Variants in FIRRM observed in about 807,000 individuals in gnomAD.
FIRRM encodes the protein FIGNL1-interacting regulator of recombination and mitosis.
chr1:169,818,311 G>A, the FIRRM span, among the ~76,000 whole-genome samples: 13 of 152,304 alleles, frequency 8.5e-5, no homozygotes, highest in African/African-American at 2.6e-4. Context: ...TAGCTAGGGG[G>A]CATGGCTAAC....
the FIRRM span, among the ~76,000 whole-genome samples, chr1:169,846,076 C>G: frequency 6.6e-6 from 1 of 152,208 alleles, no homozygotes; most frequent in Admixed American, 6.5e-5. Context: ...TATTAACAAA[C>G]ATGAAAACAA....
the FIRRM span, chr1:169,803,077 A>G: frequency 1.1e-5 from 12 of 1,116,380 alleles, no homozygotes; most frequent in East Asian, 1.7e-4. Flanking sequence ...TGTTTTGTTC[A>G]TTGCTGTATT....
the FIRRM span, among the ~76,000 whole-genome samples, chr1:169,816,799 C>T: frequency 6.6e-6 from 1 of 152,104 alleles, no homozygotes; most frequent in Non-Finnish European, 1.5e-5. Flanking sequence ...CTTTATAAGT[C>T]AAGTTTGATT....
chr1:169,827,004 T>G, the FIRRM span: 15 of 1,576,670 alleles, frequency 9.5e-6, no homozygotes, highest in Non-Finnish European at 1.2e-5. Flanking sequence ...TACCTAAAAT[T>G]AGAAGATAGC....
At chr1:169,801,937 A>G in the FIRRM span, among the ~76,000 whole-genome samples, 308 of 152,320 alleles carry the variant, frequency 2.0e-3, no homozygotes, top group African/African-American at 5.9e-3. Flanking sequence ...AAAAGATTCA[A>G]CTGTTACATA....
At chr1:169,805,531 T>C in the FIRRM span, among the ~76,000 whole-genome samples, 4 of 152,198 alleles carry the variant, frequency 2.6e-5, no homozygotes, top group African/African-American at 4.8e-5. Context: ...CCAGAGTCAT[T>C]GTAGAAAAGT....
chr1:169,843,881 A>G, the FIRRM span: 1 of 656,220 alleles, frequency 1.5e-6, no homozygotes, highest in Non-Finnish European at 2.7e-6. Flanking sequence ...TTGTTGTGTC[A>G]TATATTGACT....
At chr1:169,829,189 T>C in the FIRRM span, 2 of 1,291,648 alleles carry the variant, frequency 1.5e-6, no homozygotes, top group South Asian at 3.7e-5. Context: ...CCTTCCATGT[T>C]ACATATTATT....
chr1:169,824,409 A>G, the FIRRM span, among the ~76,000 whole-genome samples: 1 of 152,148 alleles, frequency 6.6e-6, no homozygotes, highest in Non-Finnish European at 1.5e-5. Flanking sequence ...GAGTATACAA[A>G]TATGCTGTTA....
chr1:169,835,642 A>G, the FIRRM span, among the ~76,000 whole-genome samples: 7 of 152,194 alleles, frequency 4.6e-5, no homozygotes, highest in African/African-American at 1.7e-4. Flanking sequence ...TTGTGTTGAA[A>G]CCAGGGTTTT....
At chr1:169,840,858 A>G in the FIRRM span, among the ~76,000 whole-genome samples, 1 of 152,096 alleles carries the variant, frequency 6.6e-6, no homozygotes, top group Admixed American at 6.5e-5. Context: ...GTGTATAGAA[A>G]TGGTACTGAT....
chr1:169,838,567 G>A, the FIRRM span, among the ~76,000 whole-genome samples: 8 of 152,110 alleles, frequency 5.3e-5, no homozygotes, highest in South Asian at 2.1e-4. Context: ...TTGGCTCACC[G>A]CAACCTCTGC....
chr1:169,853,260 G>C, the FIRRM span: 1 of 413,086 alleles, frequency 2.4e-6, no homozygotes, highest in Non-Finnish European at 4.3e-6. Flanking sequence ...AGCTGCCTAA[G>C]GAAACCTCAG....
chr1:169,814,891 CA>C, the FIRRM span, among the ~76,000 whole-genome samples: 2 of 151,888 alleles, frequency 1.3e-5, no homozygotes, highest in Non-Finnish European at 2.9e-5. Flanking sequence ...GTTCAAAGGT[CA>C]ACTGTATTTA....
chr1:169,785,784 G>A, the FIRRM span, among the ~76,000 whole-genome samples: 1 of 152,124 alleles, frequency 6.6e-6, no homozygotes, highest in African/African-American at 2.4e-5. Flanking sequence ...GCTTGAAGGT[G>A]GGGCCTTTAC....
chr1:169,847,651 G>T, the FIRRM span: 2 of 1,365,766 alleles, frequency 1.5e-6, no homozygotes, highest in South Asian at 2.4e-5. Flanking sequence ...CAAAATACTG[G>T]TATTATTTAT....
the FIRRM span, among the ~76,000 whole-genome samples, chr1:169,786,504 A>G: frequency 2.6e-5 from 4 of 152,356 alleles, no homozygotes; most frequent in African/African-American, 9.6e-5. Flanking sequence ...TTGCTGTGCC[A>G]CTGAGCTGAC....
At chr1:169,818,020 A>G in the FIRRM span, among the ~76,000 whole-genome samples, 1 of 151,870 alleles carries the variant, frequency 6.6e-6, no homozygotes, top group Non-Finnish European at 1.5e-5. Flanking sequence ...GCGTTATCCT[A>G]TTTAACTTAA....
the FIRRM span, chr1:169,792,940 G>C: frequency 1.2e-5 from 20 of 1,614,004 alleles, no homozygotes; most frequent in Middle Eastern, 1.6e-4. Context: ...TTGGTTTCCT[G>C]CATCTTTTCA....
Sources: allele counts gnomAD v4.1 joint callset (sites outside exome capture counted in the v4.1 genomes callset), GRCh38; gene constraint gnomAD v4.1.1; transcripts MANE v1.5; gene names NCBI Gene and HGNC (gene_info 2026-07-23, HGNC 2026-07-21).